The following ATL2 variants were observed in gnomAD, a reference collection of about 807,000 sequenced individuals.
ATL2 encodes the protein atlastin-2.
A neutral mutation model predicts 73.9 loss-of-function variants in ATL2; 31 were observed. That is an observed-to-expected ratio of 0.42 (90% CI 0.32 to 0.57). ATL2 has a LOEUF of 0.57. Ranked by LOEUF, ATL2 falls within the 20% of genes least tolerant of loss-of-function variation. ATL2 has a pLI of 0.14. For synonymous variants in ATL2, 291 were observed against 237.5 expected (o/e 1.23, Z -2.07); for missense variants, 738 against 702.6 (o/e 1.05, Z -0.57).
chr2:38,325,898 TGTTTGTTTAAAAAAAAA>T (rs1475624179), intron 2 of ATL2, among the ~76,000 whole-genome samples: 1 of 139,472 alleles, frequency 7.2e-6, no homozygotes. Flanking sequence ...TTTGTTTGTT[TGTTTGTTTAAAAAAAAA>T]AAAAAAAAAA....
intron 9 of ATL2, among the ~76,000 whole-genome samples, chr2:38,308,410 G>A (rs553995750): frequency 4.0e-4 from 61 of 152,160 alleles, no homozygotes; most frequent in African/African-American, 1.4e-3. Flanking sequence ...TTAAACAACT[G>A]AACTCATGCG....
At position 38,318,663 on chromosome 2, in the gene ATL2, A is replaced by G. The variant is rs763018115; in HGVS notation, c.499-24T>C. 8 of 1,547,874 alleles carry G rather than the reference A, an allele frequency of 5.2e-6. No individual in the cohort carries two copies. In the South Asian group the frequency reaches 9.6e-5, roughly 19 times the overall value. The stretch of plus-strand genomic sequence containing the variant: ...ACCTAGGAATTTGAGAGTTTAAAAT[A>G]TTTAGTAAAACAGTTGCCAAAAATG... On this transcript the variant is annotated intron_variant, in intron 3 of 12. Coordinates refer to ENST00000378954, the MANE Select transcript of ATL2 (RefSeq NM_001135673.4).
At chr2:38,302,694 TG>T (rs1056019214) in intron 9 of ATL2, among the ~76,000 whole-genome samples, 1 of 152,094 alleles carries the variant, frequency 6.6e-6, no homozygotes, top group Non-Finnish European at 1.5e-5. Context: ...GGAATTCTCC[TG>T]GATCTTACCG....
chr2:38,357,155 C>A (rs1670714239), intron 1 of ATL2, among the ~76,000 whole-genome samples: 1 of 151,944 alleles, frequency 6.6e-6, no homozygotes, highest in Non-Finnish European at 1.5e-5. Flanking sequence ...TGGTGAAACC[C>A]TGTCTCTACT....
At chr2:38,324,929 G>A (rs1668513777) in intron 2 of ATL2, among the ~76,000 whole-genome samples, 2 of 152,234 alleles carry the variant, frequency 1.3e-5, no homozygotes, top group African/African-American at 4.8e-5. Flanking sequence ...TTCAGCTGGG[G>A]AAGATGAAGC....
intron 2 of ATL2, among the ~76,000 whole-genome samples, chr2:38,334,337 C>T (rs987085674): frequency 6.6e-6 from 1 of 151,890 alleles, no homozygotes. Context: ...GCCCAATCCC[C>T]TTATCTTATA....
At chr2:38,369,126 T>C (rs1376772743) in intron 1 of ATL2, among the ~76,000 whole-genome samples, 1 of 152,114 alleles carries the variant, frequency 6.6e-6, no homozygotes, top group Non-Finnish European at 1.5e-5. Context: ...GGGTAAAACC[T>C]TTCTGAATGG....
chr2:38,353,987 G>T, intron 1 of ATL2: 1 of 249,246 alleles, frequency 4.0e-6, no homozygotes, highest in South Asian at 3.3e-5. Flanking sequence ...GAGGTCAGGA[G>T]ATCGAGACCA....
chr2:38,301,840 C>T (rs1374144125), intron 9 of ATL2, among the ~76,000 whole-genome samples: 4 of 152,190 alleles, frequency 2.6e-5, no homozygotes, highest in Admixed American at 6.5e-5. Flanking sequence ...TATAGTAAGA[C>T]TCCAGCTGGG....
At chr2:38,321,965 C>A (rs73928214) in intron 2 of ATL2, among the ~76,000 whole-genome samples, 2,475 of 152,210 alleles carry the variant, frequency 0.016, 55 homozygotes, top group African/African-American at 0.057. Context: ...CTTGTCTGTG[C>A]TCCTGATACT....
At chr2:38,374,895 G>A (rs999390701) in intron 1 of ATL2, among the ~76,000 whole-genome samples, 3 of 152,130 alleles carry the variant, frequency 2.0e-5, no homozygotes, top group Non-Finnish European at 2.9e-5. Flanking sequence ...ATACACCTAT[G>A]TGCACTCGAC....
chr2:38,306,113 C>CAACT (rs923111976), intron 9 of ATL2, among the ~76,000 whole-genome samples: 51 of 152,102 alleles, frequency 3.4e-4, no homozygotes, highest in Middle Eastern at 3.2e-3. Flanking sequence ...CTACCATGAA[C>CAACT]AACTATATGC....
At chr2:38,297,664 T>C (rs896022059) in intron 12 of ATL2, among the ~76,000 whole-genome samples, 6 of 152,186 alleles carry the variant, frequency 3.9e-5, no homozygotes, top group African/African-American at 1.4e-4. Flanking sequence ...GGATTGTTCC[T>C]CATAGTACAT....
intron 1 of ATL2, among the ~76,000 whole-genome samples, chr2:38,368,152 C>T (rs1338393168): frequency 1.3e-5 from 2 of 148,972 alleles, no homozygotes; most frequent in Non-Finnish European, 3.0e-5. Flanking sequence ...GCCAGGATGG[C>T]CTCTATCTCC....
chr2:38,319,925 T>C (rs562143268), intron 2 of ATL2, among the ~76,000 whole-genome samples: 1 of 151,958 alleles, frequency 6.6e-6, no homozygotes, highest in Non-Finnish European at 1.5e-5. Context: ...CTGGCCAACA[T>C]GGCGAAACTC....
rs1275840600 is a variant in ATL2, at chr2:38,334,869, TAATA to T, written c.363+8395_363+8398del. Among the ~76,000 whole-genome samples, 279 of 137,644 alleles carry T rather than the reference TAATA, an allele frequency of 2.0e-3. 7 individuals carry two copies. Among genetic ancestry groups the T allele is most frequent in the Non-Finnish European group, 3.1e-3 (200 of 64,984 alleles). 90.3% of individuals were successfully genotyped at this position (137,644 alleles called of 152,430 possible). ...TTATATTCAATATTTATATATTATATAATATATATTATATAATATATAATATATA... is the reference window on the plus strand; with the variant it reads ...TTATATTCAATATTTATATATTATATTATATTATATAATATATAATATATA... On this transcript the variant is annotated intron_variant, in intron 2 of 12. Transcript: ENST00000378954.
At position 38,344,289 on chromosome 2, in the gene ATL2, A is replaced by G. The variant is rs376260803; in HGVS notation, c.119-777T>C. The stretch of plus-strand genomic sequence containing the variant: ...ATCACCTAGAAAATTCACAAACATT[A>G]CTCTACTTTACAAACATTAAAAACA... On this transcript the variant is annotated intron_variant, in intron 1 of 12. Coordinates refer to ENST00000378954, the MANE Select transcript of ATL2 (RefSeq NM_001135673.4). 1.1e-3 allele frequency among the ~76,000 whole-genome samples: 161 copies of G among 152,198 alleles called. 1 individual carries two copies. The highest frequency in any genetic ancestry group is 3.6e-3 in the African/African-American group (148 of 41,516).
Position 38,343,508 on chromosome 2 carries a change from C to A in ATL2, c.123G>T (p.Glu41Asp). Reference protein sequence around the residue: ...NHVSSTTSLGENYEDDDLVNS... With the variant: ...NHVSSTTSLGDNYEDDDLVNS... ...TTACTAGGTCATCATCTTCATAATT[C>A]TCACCTAGAATTTAAAAAGAAAGAA... Residue 41 changes from glutamate (E) to aspartate (D), a missense_variant, in exon 2 of 13, where the codon GAG (glutamate) becomes GAT (aspartate). Coordinates refer to ENST00000378954, the MANE Select transcript of ATL2 (RefSeq NM_001135673.4). 6.2e-7 allele frequency: 1 copy of A among 1,602,704 alleles called. No individual in the cohort carries two copies. The highest frequency in any genetic ancestry group is 1.7e-4 in the Middle Eastern group (1 of 6,032).
At chr2:38,367,680 T>C (rs1445867450) in intron 1 of ATL2, among the ~76,000 whole-genome samples, 4 of 145,614 alleles carry the variant, frequency 2.7e-5, no homozygotes, top group South Asian at 4.6e-4. Context: ...TCACCCAGGC[T>C]GGAGTGCAAT....
Sources: gnomAD v4.1 joint callset for allele counts (sites outside exome capture counted in the v4.1 genomes callset) on GRCh38, gnomAD v4.1.1 for gene constraint, MANE v1.5 for transcripts, NCBI Gene and HGNC (gene_info 2026-07-23, HGNC 2026-07-21) for gene names.